The following ZFAND3 variants were observed in gnomAD, a reference collection of about 807,000 sequenced individuals.
ZFAND3 encodes the protein AN1-type zinc finger protein 3.
A neutral mutation model predicts 29.6 loss-of-function variants in ZFAND3; 10 were observed. The ratio of observed to expected loss-of-function variants is 0.34; its 90% CI spans 0.21 to 0.57. The LOEUF (loss-of-function observed/expected upper bound fraction) is 0.57, where lower values mean the gene tolerates loss of function less well. Ranked by LOEUF, ZFAND3 falls within the 20% of genes least tolerant of loss-of-function variation. The pLI is 0.86. For missense variants in ZFAND3, 230 were observed against 304.5 expected (o/e 0.76, Z 1.82); for synonymous variants, 128 against 112.6 (o/e 1.14, Z -0.87).
At chr6:38,020,989 T>C (rs943074947) in intron 2 of ZFAND3, among the ~76,000 whole-genome samples, 1 of 152,230 alleles carries the variant, frequency 6.6e-6, no homozygotes, top group Non-Finnish European at 1.5e-5. Flanking sequence ...TCAAATTTAT[T>C]AGTGTTTTAT....
At chr6:38,080,600 G>T (rs781503024) in intron 3 of ZFAND3, among the ~76,000 whole-genome samples, 3 of 152,086 alleles carry the variant, frequency 2.0e-5, no homozygotes, top group Non-Finnish European at 4.4e-5. Flanking sequence ...AGAAACCGAG[G>T]ATCACTTATC....
intron 1 of ZFAND3, among the ~76,000 whole-genome samples, chr6:37,847,786 T>C (rs527930875): frequency 6.6e-6 from 1 of 152,350 alleles, no homozygotes; most frequent in Admixed American, 6.5e-5. Flanking sequence ...AAGAATGATG[T>C]TACGTTTTTA....
chr6:38,000,506 A>G (rs1460844297), intron 2 of ZFAND3, among the ~76,000 whole-genome samples: 3 of 152,164 alleles, frequency 2.0e-5, no homozygotes, highest in Admixed American at 6.6e-5. Context: ...GCAGAGACAC[A>G]TCTTACATGG....
intron 2 of ZFAND3, among the ~76,000 whole-genome samples, chr6:37,932,207 T>C (rs1761610303): frequency 6.6e-6 from 1 of 151,724 alleles, no homozygotes; most frequent in African/African-American, 2.4e-5. Context: ...AGGCGGAGTT[T>C]GCAGTGAGCC....
intron 2 of ZFAND3, among the ~76,000 whole-genome samples, chr6:37,995,838 G>A (rs1171168796): frequency 6.6e-6 from 1 of 152,018 alleles, no homozygotes; most frequent in African/African-American, 2.4e-5. Context: ...TTAAAACAGT[G>A]AGACTTGGCC....
At chr6:37,970,917 C>CCAAACAAA (rs201703751) in intron 2 of ZFAND3, among the ~76,000 whole-genome samples, 5 of 128,690 alleles carry the variant, frequency 3.9e-5, no homozygotes, top group African/African-American at 1.4e-4. Context: ...AACAAACAAA[C>CCAAACAAA]CAAACAAACA....
At chr6:37,941,467 C>T (rs957417379) in intron 2 of ZFAND3, among the ~76,000 whole-genome samples, 4 of 152,136 alleles carry the variant, frequency 2.6e-5, no homozygotes, top group South Asian at 2.1e-4. Context: ...AAAAGGTGTG[C>T]ATATGTGGTG....
intron 2 of ZFAND3, among the ~76,000 whole-genome samples, chr6:37,942,647 A>G (rs1761832358): frequency 6.6e-6 from 1 of 152,162 alleles, no homozygotes; most frequent in African/African-American, 2.4e-5. Flanking sequence ...TTATTTTCAG[A>G]TAATTGAATT....
chr6:37,974,188 G>A (rs576179866), intron 2 of ZFAND3, among the ~76,000 whole-genome samples: 8 of 152,080 alleles, frequency 5.3e-5, no homozygotes, highest in African/African-American at 1.9e-4. Context: ...TCAGGCTGCC[G>A]AGTAGCTGGG....
At chr6:38,142,829 A>T (rs1239252924) in intron 5 of ZFAND3, among the ~76,000 whole-genome samples, 2 of 152,206 alleles carry the variant, frequency 1.3e-5, no homozygotes, top group Admixed American at 6.5e-5. Flanking sequence ...TTGAAAGAGC[A>T]AGTCATTTCA....
chr6:38,081,905 C>T (rs1764668710), intron 3 of ZFAND3, among the ~76,000 whole-genome samples: 1 of 152,058 alleles, frequency 6.6e-6, no homozygotes, highest in African/African-American at 2.4e-5. Context: ...CTTATTTCTT[C>T]TGACAAGCAG....
chr6:37,941,016 T>A (rs189151499), intron 2 of ZFAND3, among the ~76,000 whole-genome samples: 12 of 152,376 alleles, frequency 7.9e-5, no homozygotes, highest in Non-Finnish European at 1.8e-4. Flanking sequence ...TAACTAAGAT[T>A]GCTGCAGCCC....
At chr6:38,019,209 C>T (rs570580914) in intron 2 of ZFAND3, among the ~76,000 whole-genome samples, 9 of 152,304 alleles carry the variant, frequency 5.9e-5, no homozygotes, top group Admixed American at 4.6e-4. Flanking sequence ...CCACCCACCT[C>T]GGCCTCCCAA....
At chr6:37,861,532 C>A (rs1414521601) in intron 1 of ZFAND3, among the ~76,000 whole-genome samples, 2 of 152,218 alleles carry the variant, frequency 1.3e-5, no homozygotes, top group African/African-American at 4.8e-5. Flanking sequence ...TACGTACTTA[C>A]TTGATTTGAT....
At chr6:37,828,790 A>G (rs1020312932) in intron 1 of ZFAND3, among the ~76,000 whole-genome samples, 2 of 152,060 alleles carry the variant, frequency 1.3e-5, no homozygotes, top group Non-Finnish European at 2.9e-5. Flanking sequence ...AGCTGGGACT[A>G]CAGGTGCCTG....
At chr6:38,125,847 G>A (rs543945610) in intron 5 of ZFAND3, among the ~76,000 whole-genome samples, 17 of 152,166 alleles carry the variant, frequency 1.1e-4, no homozygotes, top group African/African-American at 3.6e-4. Flanking sequence ...AATAATTTAC[G>A]TACCATAAAA....
chr6:37,937,831 G>T (rs1426781155), intron 2 of ZFAND3, among the ~76,000 whole-genome samples: 1 of 152,050 alleles, frequency 6.6e-6, no homozygotes, highest in Non-Finnish European at 1.5e-5. Flanking sequence ...ACACATTTTG[G>T]TCATGTGTTT....
intron 4 of ZFAND3, among the ~76,000 whole-genome samples, chr6:38,115,890 G>A (rs752100378): frequency 2.0e-5 from 3 of 152,144 alleles, no homozygotes; most frequent in Non-Finnish European, 2.9e-5. Context: ...CTCAAGGTGG[G>A]GTGCCTGGTG....
intron 2 of ZFAND3, among the ~76,000 whole-genome samples, chr6:37,957,233 T>C (rs1762100007): frequency 6.6e-6 from 1 of 152,210 alleles, no homozygotes; most frequent in African/African-American, 2.4e-5. Context: ...AGAAGAACTA[T>C]TCTATAACTT....
Sources: allele counts gnomAD v4.1 joint callset (sites outside exome capture counted in the v4.1 genomes callset), GRCh38; gene constraint gnomAD v4.1.1; transcripts MANE v1.5; gene names NCBI Gene and HGNC (gene_info 2026-07-23, HGNC 2026-07-21).